Variants in VPS50 observed in about 807,000 individuals in gnomAD.
VPS50 encodes syndetin.
Under a neutral mutation model 139.7 loss-of-function variants are expected in VPS50, and 70 were observed. The ratio of observed to expected loss-of-function variants is 0.50; its 90% CI spans 0.41 to 0.61. VPS50 has a LOEUF of 0.61. VPS50 is among the 20% of genes least tolerant of loss of function. The pLI is 0.00. For synonymous variants in VPS50, 365 were observed against 376.7 expected (o/e 0.97, Z 0.36); for missense variants, 921 against 1,133.7 (o/e 0.81, Z 2.69).
chr7:93,255,636 T>C (rs922267646), intron 4 of VPS50, among the ~76,000 whole-genome samples: 3 of 152,222 alleles, frequency 2.0e-5, no homozygotes, highest in Non-Finnish European at 4.4e-5. Context: ...TAAAATTTGA[T>C]TTTCTTAACC....
At chr7:93,296,565 G>T (rs1469819850) in intron 14 of VPS50, among the ~76,000 whole-genome samples, 177 bp from the exon 15 acceptor site, 1 of 152,154 alleles carries the variant, frequency 6.6e-6, no homozygotes, top group Admixed American at 6.5e-5. Context: ...TATAGGAAAT[G>T]GGATTGTCTC....
At chr7:93,256,189 C>T (rs540952619) in intron 4 of VPS50, among the ~76,000 whole-genome samples, 2 of 152,220 alleles carry the variant, frequency 1.3e-5, no homozygotes, top group African/African-American at 2.4e-5. Context: ...TCAATCAAAT[C>T]CTATTCCCTT....
At chr7:93,284,802 G>A (rs561228609) in intron 12 of VPS50, among the ~76,000 whole-genome samples, 24 of 152,338 alleles carry the variant, frequency 1.6e-4, no homozygotes, top group African/African-American at 5.8e-4. Flanking sequence ...AAGTGACAAA[G>A]TTGGGCTCCA....
chr7:93,348,630 T>TA (rs1798470246), intron 23 of VPS50, 81 bp from the exon 24 acceptor site: 2 of 968,162 alleles, frequency 2.1e-6, no homozygotes, highest in East Asian at 2.4e-5. Context: ...TCAGAAATGT[T>TA]AAAAAATACT....
At chr7:93,248,068 T>G (rs1795207929) in intron 2 of VPS50, among the ~76,000 whole-genome samples, 1 of 151,992 alleles carries the variant, frequency 6.6e-6, no homozygotes, top group Non-Finnish European at 1.5e-5. Flanking sequence ...AGAGCATTTA[T>G]ATCACTATTA....
chr7:93,261,677 C>CAAAAAAAAAA (rs71107890), intron 9 of VPS50, among the ~76,000 whole-genome samples: 1 of 62,194 alleles, frequency 1.6e-5, no homozygotes, highest in African/African-American at 6.0e-5. Flanking sequence ...GACTCCGTCT[C>CAAAAAAAAAA]AAAAAAAAAA....
Position 93,276,268 on chromosome 7 carries a change from C to A in VPS50, c.905C>A (p.Thr302Lys). The change falls in exon 12 of 28, where the codon ACA becomes AAA. Residue 302 changes from threonine (T) to lysine (K), a missense_variant. Thr to Lys is a moderately conservative substitution (Grantham distance 78, BLOSUM62 -1). Coordinates refer to ENST00000305866, the MANE Select transcript of VPS50 (RefSeq NM_017667.4). ...YVELCAGNTD[T>K]KFQKLQYKDL... ...GAACTATGTGCAGGAAACACAGACA[C>A]AAAATTCCAAAAGCTGCAATATAAG... 6.2e-7 allele frequency: 1 copy of A among 1,613,508 alleles called. No homozygotes were observed. Among genetic ancestry groups the A allele is most frequent in the South Asian group, 1.1e-5 (1 of 91,036 alleles).
At chr7:93,348,036 G>T (rs963525863) in intron 23 of VPS50, among the ~76,000 whole-genome samples, 1 of 151,728 alleles carries the variant, frequency 6.6e-6, no homozygotes, top group African/African-American at 2.4e-5. Context: ...AATCCCTAAA[G>T]TTAGTAATAC....
At chr7:93,283,697 T>C (rs1375252015) in intron 12 of VPS50, among the ~76,000 whole-genome samples, 1 of 151,820 alleles carries the variant, frequency 6.6e-6, no homozygotes, top group Non-Finnish European at 1.5e-5. Flanking sequence ...ATCCAAGGAG[T>C]CAAAATATCT....
chr7:93,234,768 C>G (rs995496798), intron 1 of VPS50, among the ~76,000 whole-genome samples: 2 of 152,076 alleles, frequency 1.3e-5, no homozygotes, highest in Non-Finnish European at 2.9e-5. Flanking sequence ...TGGGACATTT[C>G]AGCTGTCCTG....
intron 21 of VPS50, among the ~76,000 whole-genome samples, chr7:93,330,014 C>T (rs1195679720): frequency 6.6e-6 from 1 of 152,026 alleles, no homozygotes; most frequent in Non-Finnish European, 1.5e-5. Context: ...TAATTTTTTT[C>T]TTTTTCCACT....
chr7:93,345,764 AC>A (rs1798373111), intron 23 of VPS50, among the ~76,000 whole-genome samples: 1 of 152,220 alleles, frequency 6.6e-6, no homozygotes, highest in Admixed American at 6.5e-5. Context: ...AAGGCCTTTG[AC>A]AAAATTCAAC....
intron 2 of VPS50, among the ~76,000 whole-genome samples, chr7:93,250,933 C>T (rs936161414): frequency 3.9e-5 from 6 of 152,184 alleles, no homozygotes; most frequent in African/African-American, 1.2e-4. Flanking sequence ...AAAAAAAGCT[C>T]ATCATCCCTG....
chr7:93,254,333 G>A (rs1041331374), intron 4 of VPS50, among the ~76,000 whole-genome samples: 3 of 152,328 alleles, frequency 2.0e-5, no homozygotes, highest in South Asian at 2.1e-4. Context: ...GCGATTGCAC[G>A]ATCATGGCTC....
intron 4 of VPS50, among the ~76,000 whole-genome samples, chr7:93,255,124 A>C (rs922267072): frequency 1.9e-4 from 29 of 152,158 alleles, no homozygotes; most frequent in African/African-American, 6.8e-4. Context: ...GAATGATTCA[A>C]GTGCATTTCA....
Position 93,358,368 on chromosome 7 carries a change from C to T in VPS50, c.2827C>T (p.His943Tyr). 1 of 1,611,830 alleles carries T rather than the reference C, an allele frequency of 6.2e-7. No individual in the cohort carries two copies. The highest frequency in any genetic ancestry group is 8.5e-7 in the Non-Finnish European group (1 of 1,178,192). ...TCTGGTGAATGTTTGCCTGGGATCCCATATCAATAAGAAAGCAAGACAAAA... is the reference window on the plus strand; with the variant it reads ...TCTGGTGAATGTTTGCCTGGGATCCTATATCAATAAGAAAGCAAGACAAAA... ...TNLVNVCLGS[H>Y]INKKARQKLL... The change falls in exon 28 of 28, where the codon CAT becomes TAT. Residue 943 changes from histidine to tyrosine, a missense_variant. By Grantham distance (83) the His-to-Tyr change is moderately conservative. Around this residue, in one of 3 missense-constraint regions of VPS50, gnomAD observed 158 missense variants for 156.3 expected, o/e 1.01. Coordinates refer to ENST00000305866, the MANE Select transcript of VPS50 (RefSeq NM_017667.4).
chr7:93,278,805 A>G (rs1333746194), intron 12 of VPS50, among the ~76,000 whole-genome samples: 3 of 151,778 alleles, frequency 2.0e-5, no homozygotes, highest in South Asian at 2.1e-4. Context: ...ATATGTACAT[A>G]TATATACACA....
chr7:93,313,401 T>A (rs1797329470), intron 20 of VPS50, among the ~76,000 whole-genome samples: 1 of 152,200 alleles, frequency 6.6e-6, no homozygotes, highest in Admixed American at 6.5e-5. Context: ...GGTAGTCATG[T>A]TGCTGTTTAC....
At chr7:93,240,079 A>G in intron 2 of VPS50, 145 bp downstream of exon 2, 1 of 571,452 alleles carries the variant, frequency 1.7e-6, no homozygotes, top group Non-Finnish European at 3.2e-6. Context: ...ATTGTATAGT[A>G]GGTGTAGGGC....
Sources: allele counts gnomAD v4.1 joint callset (sites outside exome capture counted in the v4.1 genomes callset), GRCh38; gene constraint gnomAD v4.1.1; regional missense constraint gnomAD v4.1.1; transcripts MANE v1.5; gene names NCBI Gene and HGNC (gene_info 2026-07-23, HGNC 2026-07-21).